Variants in WWOX observed in about 807,000 individuals in gnomAD.
WWOX encodes WW domain containing oxidoreductase, also known as WW domain-containing oxidoreductase.
Under a neutral mutation model 46.2 loss-of-function variants are expected in WWOX, and 69 were observed. The ratio of observed to expected loss-of-function variants is 1.49; its 90% CI spans 1.23 to 1.82. The LOEUF is 1.82. Among genes scored for constraint, WWOX ranks in the 40% most tolerant of loss-of-function variants. The probability of loss-of-function intolerance (pLI) is 0.00; values close to 1 mark genes in which losing one functional copy is unlikely to be tolerated. For missense variants in WWOX, 919 were observed against 542.6 expected (o/e 1.69, Z -6.89); for synonymous variants, 359 against 202.6 (o/e 1.77, Z -6.56).
At chr16:78,633,712 G>T (rs928291473) in intron 8 of WWOX, among the ~76,000 whole-genome samples, 2 of 152,124 alleles carry the variant, frequency 1.3e-5, no homozygotes, top group Non-Finnish European at 2.9e-5. Context: ...GAAGTGCAAA[G>T]TTGGGCTGGC....
intron 8 of WWOX, among the ~76,000 whole-genome samples, chr16:78,622,903 C>G (rs1004989754): frequency 2.0e-5 from 3 of 152,118 alleles, no homozygotes; most frequent in Non-Finnish European, 2.9e-5. Flanking sequence ...GAGAGTCTCT[C>G]TCTCCATTGC....
intron 8 of WWOX, among the ~76,000 whole-genome samples, chr16:78,981,437 C>T (rs539225963): frequency 8.2e-6 from 1 of 122,442 alleles, no homozygotes; most frequent in African/African-American, 3.1e-5. Context: ...TTATATGAAG[C>T]ATCATTTTTT....
intron 8 of WWOX, among the ~76,000 whole-genome samples, chr16:78,980,128 AAATC>A (rs2046652387): frequency 6.6e-6 from 1 of 152,208 alleles, no homozygotes; most frequent in Non-Finnish European, 1.5e-5. Flanking sequence ...ACTCCATCTC[AAATC>A]AATCAACCAG....
At chr16:78,447,720 G>T (rs1447825435) in intron 8 of WWOX, among the ~76,000 whole-genome samples, 2 of 152,218 alleles carry the variant, frequency 1.3e-5, no homozygotes, top group African/African-American at 4.8e-5. Context: ...TGTTGCTGGG[G>T]AGTCAGTGGA....
At chr16:79,190,132 C>G (rs1335942072) in intron 8 of WWOX, among the ~76,000 whole-genome samples, 1 of 152,042 alleles carries the variant, frequency 6.6e-6, no homozygotes, top group Non-Finnish European at 1.5e-5. Context: ...TAAAGCAATT[C>G]TTCTGCCTCA....
At chr16:78,495,181 C>T (rs1395208437) in intron 8 of WWOX, among the ~76,000 whole-genome samples, 1 of 110,132 alleles carries the variant, frequency 9.1e-6, no homozygotes, top group African/African-American at 3.1e-5. Context: ...TTGCCTGTCG[C>T]CCAGGTTGCA....
At chr16:78,903,515 T>C (rs1404993913) in intron 8 of WWOX, among the ~76,000 whole-genome samples, 1 of 152,196 alleles carries the variant, frequency 6.6e-6, no homozygotes, top group Admixed American at 6.5e-5. Flanking sequence ...TACTTTCAAT[T>C]TCCCATCTGC....
At chr16:78,832,929 T>G (rs1158936765) in intron 8 of WWOX, among the ~76,000 whole-genome samples, 1 of 152,200 alleles carries the variant, frequency 6.6e-6, no homozygotes, top group East Asian at 1.9e-4. Context: ...AAACTTTCTT[T>G]AAAGGATTTC....
intron 8 of WWOX, among the ~76,000 whole-genome samples, chr16:79,025,734 G>A (rs2047625140): frequency 1.3e-5 from 2 of 151,288 alleles, no homozygotes; most frequent in South Asian, 4.2e-4. Flanking sequence ...TTTCTCCATG[G>A]CCTTTCTGAT....
At chr16:78,259,408 C>T (rs1246156163) in intron 5 of WWOX, among the ~76,000 whole-genome samples, 2 of 152,150 alleles carry the variant, frequency 1.3e-5, no homozygotes, top group Admixed American at 6.5e-5. Flanking sequence ...CTGACTGCAA[C>T]CTCTGCCTCC....
chr16:79,082,868 G>C (rs368875572), intron 8 of WWOX, among the ~76,000 whole-genome samples: 1 of 152,190 alleles, frequency 6.6e-6, no homozygotes, highest in Non-Finnish European at 1.5e-5. Flanking sequence ...GCTGTTGTAT[G>C]TGTAATCCGT....
chr16:78,102,825 A>G (rs1347518867), intron 1 of WWOX, among the ~76,000 whole-genome samples: 1 of 152,064 alleles, frequency 6.6e-6, no homozygotes, highest in Non-Finnish European at 1.5e-5. Context: ...CCATAAGATG[A>G]GCCCCTGTGG....
chr16:78,958,216 C>G (rs912206091), intron 8 of WWOX, among the ~76,000 whole-genome samples: 3 of 152,188 alleles, frequency 2.0e-5, no homozygotes, highest in Non-Finnish European at 4.4e-5. Flanking sequence ...CACTCAGCTC[C>G]AGCTACTTCT....
In WWOX at chr16:78,798,193, C is replaced by A. The variant is rs146338696; in HGVS notation, c.1056+365441C>A. The stretch of plus-strand genomic sequence containing the variant: ...CAAAGCCACGGCACCTTTGCCACAA[C>A]GTGAGCAAGAAAGGATAGCCTTGTT... On this transcript the variant is annotated intron_variant, in intron 8 of 8. Coordinates refer to ENST00000566780, the MANE Select transcript of WWOX (RefSeq NM_016373.4). 7.2e-5 allele frequency among the ~76,000 whole-genome samples: 11 copies of A among 152,174 alleles called. No individual in the cohort carries two copies. The East Asian group carries it at 1.2e-3, about 16-fold the overall frequency.
chr16:78,130,635 G>A (rs1318675854), intron 4 of WWOX, among the ~76,000 whole-genome samples: 1 of 152,226 alleles, frequency 6.6e-6, no homozygotes, highest in Non-Finnish European at 1.5e-5. Context: ...CCTGCTTCCT[G>A]TAGAGGCTTG....
intron 1 of WWOX, among the ~76,000 whole-genome samples, chr16:78,102,290 C>G (rs971014186): frequency 6.6e-6 from 1 of 152,120 alleles, no homozygotes; most frequent in Admixed American, 6.5e-5. Flanking sequence ...AGAGGAGAGA[C>G]CCCCTGCATG....
intron 8 of WWOX, among the ~76,000 whole-genome samples, chr16:78,784,038 G>A (rs1400924275): frequency 1.3e-5 from 2 of 152,034 alleles, no homozygotes; most frequent in Non-Finnish European, 2.9e-5. Context: ...TAATGATGAT[G>A]ATAGTGATGA....
intron 8 of WWOX, among the ~76,000 whole-genome samples, chr16:78,851,785 C>T (rs1018363256): frequency 2.0e-5 from 3 of 152,326 alleles, no homozygotes; most frequent in Admixed American, 2.0e-4. Flanking sequence ...TGTAGATGAA[C>T]TGTTCAAAAG....
chr16:78,450,445 G>C (rs991320151), intron 8 of WWOX, among the ~76,000 whole-genome samples: 3 of 152,158 alleles, frequency 2.0e-5, no homozygotes, highest in Non-Finnish European at 2.9e-5. Context: ...AACAGTCAGA[G>C]TGTCCAAGTA....
Sources: allele counts gnomAD v4.1 joint callset (sites outside exome capture counted in the v4.1 genomes callset), GRCh38; gene constraint gnomAD v4.1.1; transcripts MANE v1.5; gene names NCBI Gene and HGNC (gene_info 2026-07-23, HGNC 2026-07-21).